The following RPA1 variants were observed in gnomAD, a reference collection of about 807,000 sequenced individuals.
The protein encoded by RPA1 is replication protein A 70 kDa DNA-binding subunit.
RPA1 carries 49 observed loss-of-function variants against 83.0 expected under a neutral mutation model. The ratio of observed to expected loss-of-function variants is 0.59; its 90% CI spans 0.47 to 0.75. The LOEUF (loss-of-function observed/expected upper bound fraction) is 0.75. Ranked by LOEUF, RPA1 falls within the 30% of genes least tolerant of loss-of-function variation. The pLI is 0.00. For missense variants in RPA1, 693 were observed against 776.1 expected (o/e 0.89, Z 1.27); for synonymous variants, 279 against 281.8 (o/e 0.99, Z 0.10).
chr17:1,858,464 CTT>C (rs986311170), intron 5 of RPA1: 13 of 1,195,678 alleles, frequency 1.1e-5, no homozygotes, highest in Middle Eastern at 5.2e-4. Context: ...TCTGGTCTCT[CTT>C]TTTCTTTTTT....
intron 14 of RPA1, among the ~76,000 whole-genome samples, chr17:1,890,237 T>C (rs1033594482): frequency 6.6e-6 from 1 of 151,386 alleles, no homozygotes; most frequent in Non-Finnish European, 1.5e-5. Flanking sequence ...TGTGGTGGTA[T>C]GCACTTGTCC....
At chr17:1,833,857 AAAAG>A (rs1567797629) in intron 1 of RPA1, among the ~76,000 whole-genome samples, 1 of 151,506 alleles carries the variant, frequency 6.6e-6, no homozygotes, top group Non-Finnish European at 1.5e-5. Context: ...TCAAAAGAAA[AAAAG>A]AAAAGAATGG....
At position 1,860,963 on chromosome 17, in the gene RPA1, C is replaced by G. The variant is rs138397302; in HGVS notation, c.361+7774C>G. 2.7e-3 allele frequency among the ~76,000 whole-genome samples: 413 copies of G among 152,304 alleles called. 1 individual carries two copies. Among genetic ancestry groups the G allele is most frequent in the African/African-American group, 9.5e-3 (396 of 41,556 alleles). ...AGTCTAGGTGTAGTTATTCCCAATA[C>G]TGAATCGAGACCTGACAGACTGTTC... On this transcript the variant is annotated intron_variant, in intron 5 of 16. Coordinates refer to ENST00000254719, the MANE Select transcript of RPA1 (RefSeq NM_002945.5).
intron 6 of RPA1, among the ~76,000 whole-genome samples, chr17:1,872,983 A>G (rs558982011): frequency 1.3e-5 from 2 of 152,264 alleles, no homozygotes; most frequent in South Asian, 4.1e-4. Flanking sequence ...GCCAAAGATA[A>G]TCTTAAAGAT....
intron 12 of RPA1, among the ~76,000 whole-genome samples, chr17:1,882,008 A>C (rs1913817949): frequency 6.6e-6 from 1 of 152,032 alleles, no homozygotes; most frequent in South Asian, 2.1e-4. Context: ...CCTGTGAGGG[A>C]TTTAGCCGCT....
At chr17:1,831,834 T>C (rs979845516) in intron 1 of RPA1, among the ~76,000 whole-genome samples, 35 of 151,428 alleles carry the variant, frequency 2.3e-4, no homozygotes, top group South Asian at 4.2e-4. Flanking sequence ...CTCCTGACCT[T>C]GTGATTCGCC....
intron 1 of RPA1, among the ~76,000 whole-genome samples, chr17:1,834,223 A>G (rs1911724102): frequency 6.6e-6 from 1 of 152,108 alleles, no homozygotes; most frequent in African/African-American, 2.4e-5. Context: ...ATAATTTGAT[A>G]AGTTTTTTTA....
intron 4 of RPA1, among the ~76,000 whole-genome samples, chr17:1,850,570 C>G (rs1370642664): frequency 2.7e-5 from 4 of 146,958 alleles, no homozygotes; most frequent in Non-Finnish European, 4.5e-5. Context: ...TAATTCAACT[C>G]TTGTTTCATT....
At chr17:1,885,890 T>A (rs1913970114) in intron 13 of RPA1, among the ~76,000 whole-genome samples, 1 of 152,252 alleles carries the variant, frequency 6.6e-6, no homozygotes, top group Admixed American at 6.5e-5. Flanking sequence ...TTGATTTGCA[T>A]GGGCTGCAGA....
intron 1 of RPA1, among the ~76,000 whole-genome samples, chr17:1,832,332 T>C (rs1169996141): frequency 1.3e-5 from 2 of 152,144 alleles, no homozygotes; most frequent in Non-Finnish European, 2.9e-5. Flanking sequence ...TGACTTCCCT[T>C]ACTAGGCTAA....
At chr17:1,832,119 G>A (rs776815035) in intron 1 of RPA1, among the ~76,000 whole-genome samples, 3 of 151,186 alleles carry the variant, frequency 2.0e-5, no homozygotes, top group Non-Finnish European at 2.9e-5. Context: ...TAGTAGACAC[G>A]GGGGTTTCAC....
chr17:1,883,573 A>T (rs1409342232), intron 12 of RPA1, among the ~76,000 whole-genome samples: 1 of 152,150 alleles, frequency 6.6e-6, no homozygotes, highest in Non-Finnish European at 1.5e-5. Context: ...CCATGATTGC[A>T]TCATTGCACT....
At chr17:1,832,890 T>G (rs1287693490) in intron 1 of RPA1, among the ~76,000 whole-genome samples, 1 of 152,160 alleles carries the variant, frequency 6.6e-6, no homozygotes, top group Non-Finnish European at 1.5e-5. Flanking sequence ...TTTGTTGATT[T>G]ATCAGTTTCT....
At chr17:1,883,698 A>T in intron 12 of RPA1, 114 bp from the exon 13 acceptor site, 1 of 1,369,530 alleles carries the variant, frequency 7.3e-7, no homozygotes. Flanking sequence ...ACCTGTGTGA[A>T]AGCTGGGCGG....
intron 4 of RPA1, among the ~76,000 whole-genome samples, chr17:1,851,002 T>C (rs1912475878): frequency 6.6e-6 from 1 of 152,216 alleles, no homozygotes; most frequent in Admixed American, 6.5e-5. Context: ...GAATACACAG[T>C]AGTCTGATGA....
Position 1,880,527 on chromosome 17 carries a change from G to A in RPA1, c.1093-16G>A. 6.2e-7 allele frequency: 1 copy of A among 1,611,636 alleles called. No individual in the cohort carries two copies. The highest frequency in any genetic ancestry group is 8.5e-7 in the Non-Finnish European group (1 of 1,178,070). Reference sequence around the variant, plus strand: ...CTGCTAGTGACACTTGTATATGTCTGGTGTTTCTTTTACAGGCTGATAAAT... The same window carrying A: ...CTGCTAGTGACACTTGTATATGTCTAGTGTTTCTTTTACAGGCTGATAAAT... On this transcript the variant is annotated splice_polypyrimidine_tract_variant and intron_variant, in intron 11 of 16. Transcript: ENST00000254719.
intron 5 of RPA1, among the ~76,000 whole-genome samples, chr17:1,859,960 G>A (rs867634595): frequency 1.3e-5 from 2 of 152,084 alleles, no homozygotes; most frequent in African/African-American, 4.8e-5. Context: ...CTACAGGCAC[G>A]CATCACCATG....
intron 1 of RPA1, among the ~76,000 whole-genome samples, chr17:1,839,526 A>G (rs989674302): frequency 2.0e-5 from 3 of 151,028 alleles, no homozygotes; most frequent in Non-Finnish European, 4.4e-5. Flanking sequence ...GGGTTTCACT[A>G]TGCTGGCTGG....
intron 16 of RPA1, 54 bp downstream of exon 16, chr17:1,895,149 CT>C (rs1319723852): frequency 7.1e-7 from 1 of 1,416,496 alleles, no homozygotes; most frequent in Non-Finnish European, 9.9e-7. Context: ...TGTTTGTCAC[CT>C]ACGGCAGTGT....
Sources: allele counts gnomAD v4.1 joint callset (sites outside exome capture counted in the v4.1 genomes callset), GRCh38; gene constraint gnomAD v4.1.1; transcripts MANE v1.5; gene names NCBI Gene and HGNC (gene_info 2026-07-23, HGNC 2026-07-21).